FSTL5: variants seen among roughly 807,000 people sequenced by gnomAD.
FSTL5 encodes follistatin like 5.
Under a neutral mutation model 89.1 loss-of-function variants are expected in FSTL5, and 62 were observed. The observed-to-expected ratio is 0.70, with a 90% confidence interval of 0.57 to 0.86. The LOEUF is 0.86. Ranked by LOEUF, FSTL5 falls within the 40% of genes least tolerant of loss-of-function variation. The pLI is 0.00. For synonymous variants in FSTL5, 383 were observed against 346.2 expected (o/e 1.11, Z -1.18); for missense variants, 1,057 against 1,001.6 (o/e 1.06, Z -0.75).
chr4:162,051,341 G>T (rs113439939), intron 2 of FSTL5, among the ~76,000 whole-genome samples: 1 of 151,224 alleles, frequency 6.6e-6, no homozygotes, highest in Non-Finnish European at 1.5e-5. Flanking sequence ...GGAGAGATAG[G>T]TAGATAAATG....
At position 162,001,670 on chromosome 4, in the gene FSTL5, T is replaced by C. The variant is rs978832048; in HGVS notation, c.160+31955A>G. Among the ~76,000 whole-genome samples, 27 of 151,696 alleles carry C rather than the reference T, an allele frequency of 1.8e-4. 1 individual carries two copies. Among genetic ancestry groups the C allele is most frequent in the Non-Finnish European group, 1.5e-5 (1 of 67,936 alleles). On this transcript the variant is annotated intron_variant, in intron 3 of 15. Coordinates refer to ENST00000306100, the MANE Select transcript of FSTL5 (RefSeq NM_020116.5). ...TACATGTGTAACATTCAACTAGTGA[T>C]GTATACATGTTTAGTACACTAACAA... is the stretch of plus-strand genomic sequence containing the variant.
intron 6 of FSTL5, among the ~76,000 whole-genome samples, chr4:161,678,994 G>T (rs1019904203): frequency 4.0e-5 from 6 of 151,650 alleles, no homozygotes; most frequent in African/African-American, 1.5e-4. Context: ...CTATGTATGT[G>T]CTAGATATAT....
intron 15 of FSTL5, among the ~76,000 whole-genome samples, chr4:161,445,752 G>C (rs952054003): frequency 7.9e-5 from 12 of 151,838 alleles, no homozygotes; most frequent in African/African-American, 2.9e-4. Context: ...GGATTTCCTT[G>C]TTATGGTTCA....
At chr4:162,083,482 T>G (rs539056921) in intron 2 of FSTL5, among the ~76,000 whole-genome samples, 1 of 151,608 alleles carries the variant, frequency 6.6e-6, no homozygotes, top group Non-Finnish European at 1.5e-5. Context: ...TAAATATACG[T>G]TTTTCATTAA....
chr4:161,497,181 C>G (rs1400507115), intron 12 of FSTL5, among the ~76,000 whole-genome samples: 1 of 152,154 alleles, frequency 6.6e-6, no homozygotes, highest in Non-Finnish European at 1.5e-5. Context: ...CTTGCATGTA[C>G]ATGACAGTAT....
intron 3 of FSTL5, among the ~76,000 whole-genome samples, chr4:161,942,855 G>A (rs1271646724): frequency 6.6e-6 from 1 of 152,032 alleles, no homozygotes; most frequent in African/African-American, 2.4e-5. Flanking sequence ...AGGCATAAAA[G>A]GCACTTAAAT....
intron 13 of FSTL5, among the ~76,000 whole-genome samples, chr4:161,480,524 T>A (rs990529608): frequency 3.2e-4 from 48 of 152,220 alleles, no homozygotes; most frequent in African/African-American, 1.1e-3. Context: ...TTATTAGAGA[T>A]TGCTTTCTCT....
rs200793560 is a variant in FSTL5, at chr4:161,689,633, CA to C, written c.728-33140del. On this transcript the variant is annotated intron_variant, in intron 6 of 15. Coordinates refer to ENST00000306100, the MANE Select transcript of FSTL5 (RefSeq NM_020116.5). ...TATTTTACAGCACTATTTTAGAGGA[CA>C]TTTTTTTACTGAGATTAAATCCATA... 6.8e-3 allele frequency among the ~76,000 whole-genome samples: 1,030 copies of C among 152,170 alleles called. 11 individuals are homozygous for C. Among genetic ancestry groups the C allele is most frequent in the South Asian group, 0.047 (225 of 4,832 alleles).
chr4:161,746,449 C>G (rs1740206793), intron 6 of FSTL5, among the ~76,000 whole-genome samples: 1 of 152,084 alleles, frequency 6.6e-6, no homozygotes, highest in Admixed American at 6.5e-5. Flanking sequence ...TGAATGTTTA[C>G]AAGCCAGCTC....
intron 2 of FSTL5, among the ~76,000 whole-genome samples, chr4:162,073,990 T>C (rs1729733052): frequency 1.3e-5 from 2 of 151,768 alleles, no homozygotes; most frequent in African/African-American, 4.8e-5. Flanking sequence ...TTTTCACATC[T>C]CTCAGTTGTT....
At chr4:161,854,799 A>G (rs1252156141) in intron 4 of FSTL5, among the ~76,000 whole-genome samples, 1 of 152,072 alleles carries the variant, frequency 6.6e-6, no homozygotes, top group Non-Finnish European at 1.5e-5. Flanking sequence ...ATATATATAT[A>G]CCTTTACTTT....
At chr4:161,692,975 T>A (rs958731261) in intron 6 of FSTL5, among the ~76,000 whole-genome samples, 30 of 152,056 alleles carry the variant, frequency 2.0e-4, no homozygotes, top group Admixed American at 3.3e-4. Flanking sequence ...GCCTGCCTTG[T>A]CCTCCCAAAG....
chr4:162,023,536 A>T (rs745507584), intron 3 of FSTL5, among the ~76,000 whole-genome samples: 7 of 152,136 alleles, frequency 4.6e-5, no homozygotes, highest in Non-Finnish European at 1.0e-4. Context: ...ACAAAGTATT[A>T]TCAATCTCTG....
chr4:161,710,495 T>A (rs1738743238), intron 6 of FSTL5, among the ~76,000 whole-genome samples: 1 of 152,168 alleles, frequency 6.6e-6, no homozygotes. Flanking sequence ...TGGTGTTTAA[T>A]CTGAGTTCTT....
chr4:162,135,867 A>C (rs1336875268), intron 1 of FSTL5, among the ~76,000 whole-genome samples: 3 of 152,082 alleles, frequency 2.0e-5, no homozygotes, highest in Admixed American at 6.6e-5. Flanking sequence ...ACTTCTCGGA[A>C]GGATGTTCAA....
At chr4:161,684,219 A>G (rs1349367127) in intron 6 of FSTL5, among the ~76,000 whole-genome samples, 1 of 152,118 alleles carries the variant, frequency 6.6e-6, no homozygotes, top group African/African-American at 2.4e-5. Context: ...GCAATTGCGA[A>G]TTGTTATGCT....
intron 6 of FSTL5, among the ~76,000 whole-genome samples, chr4:161,719,058 T>C (rs1306970373): frequency 6.6e-6 from 1 of 151,984 alleles, no homozygotes; most frequent in Non-Finnish European, 1.5e-5. Context: ...ATACAAACTT[T>C]CATCTGTAGT....
At chr4:162,022,020 G>T (rs1737106367) in intron 3 of FSTL5, among the ~76,000 whole-genome samples, 1 of 151,872 alleles carries the variant, frequency 6.6e-6, no homozygotes, top group South Asian at 2.1e-4. Flanking sequence ...GAACCTGGGA[G>T]GCAGAGATTG....
intron 4 of FSTL5, among the ~76,000 whole-genome samples, chr4:161,822,814 G>T (rs1730533611): frequency 6.6e-6 from 1 of 152,336 alleles, no homozygotes; most frequent in African/African-American, 2.4e-5. Flanking sequence ...GACAACTAGA[G>T]GGTGAATAAG....
Sources: allele counts gnomAD v4.1 joint callset (sites outside exome capture counted in the v4.1 genomes callset), GRCh38; gene constraint gnomAD v4.1.1; transcripts MANE v1.5; gene names NCBI Gene and HGNC (gene_info 2026-07-23, HGNC 2026-07-21).